ADAMTS17: variants seen among roughly 807,000 people sequenced by gnomAD.
ADAMTS17 encodes A disintegrin and metalloproteinase with thrombospondin motifs 17.
A neutral mutation model predicts 141.5 loss-of-function variants in ADAMTS17; 113 were observed. The ratio of observed to expected loss-of-function variants is 0.80; its 90% CI spans 0.69 to 0.93. The LOEUF (loss-of-function observed/expected upper bound fraction) is 0.93. ADAMTS17 is among the 40% of genes least tolerant of loss of function. The pLI is 0.00. For missense variants in ADAMTS17, 1,659 were observed against 1,517.9 expected, an observed-to-expected ratio of 1.09 and a Z score of -1.54; for synonymous variants, 768 against 630.6, an observed-to-expected ratio of 1.22 and a Z score of -3.27.
chr15:100,070,212 C>T (rs1263237050), intron 15 of ADAMTS17, among the ~76,000 whole-genome samples: 2 of 149,472 alleles, frequency 1.3e-5, no homozygotes, highest in African/African-American at 2.5e-5. Context: ...TATATATGCA[C>T]CCAATACAGG....
At chr15:100,218,452 A>G (rs1004160363) in intron 7 of ADAMTS17, among the ~76,000 whole-genome samples, 28 of 152,356 alleles carry the variant, frequency 1.8e-4, no homozygotes, top group Admixed American at 5.2e-4. Flanking sequence ...CAAAGCAGAA[A>G]TATGTGTGGT....
chr15:100,200,666 G>A (rs1026847709), intron 7 of ADAMTS17, among the ~76,000 whole-genome samples: 2 of 152,202 alleles, frequency 1.3e-5, no homozygotes, highest in African/African-American at 2.4e-5. Flanking sequence ...GTCACATTGG[G>A]GGTTGGTGGG....
intron 3 of ADAMTS17, among the ~76,000 whole-genome samples, chr15:100,290,181 T>C (rs2044582248): frequency 6.6e-6 from 1 of 152,136 alleles, no homozygotes; most frequent in African/African-American, 2.4e-5. Context: ...ATATAATCAA[T>C]GCACAAAAAT....
At chr15:100,243,879 C>T (rs147450891) in intron 7 of ADAMTS17, among the ~76,000 whole-genome samples, 24 of 151,762 alleles carry the variant, frequency 1.6e-4, no homozygotes, top group East Asian at 1.6e-3. Flanking sequence ...ATTAGTCATC[C>T]GCTTTAACCC....
chr15:100,218,195 TCAC>T (rs758042131), intron 7 of ADAMTS17, among the ~76,000 whole-genome samples: 13 of 152,222 alleles, frequency 8.5e-5, no homozygotes, highest in Non-Finnish European at 1.9e-4. Context: ...TTAAATTTTC[TCAC>T]CACAAGGAAA....
intron 7 of ADAMTS17, among the ~76,000 whole-genome samples, chr15:100,209,188 G>C (rs1026997719): frequency 6.6e-6 from 1 of 150,678 alleles, no homozygotes. Flanking sequence ...CTTGCTAAAT[G>C]CTTAGCCCAG....
chr15:100,160,055 GC>G (rs201630924), intron 8 of ADAMTS17, among the ~76,000 whole-genome samples: 1,351 of 89,024 alleles, frequency 0.015, 7 homozygotes, highest in Middle Eastern at 0.029. Context: ...TCCTGGAATG[GC>G]CCCCCAGTAA....
At chr15:100,324,378 T>C (rs2045834385) in intron 3 of ADAMTS17, among the ~76,000 whole-genome samples, 1 of 152,212 alleles carries the variant, frequency 6.6e-6, no homozygotes, top group South Asian at 2.1e-4. Context: ...TAGGTCTGAA[T>C]ACTGGATACG....
chr15:99,972,140 A>C lies in ADAMTS17; in HGVS notation c.*2262T>G, dbSNP rs2060222207. 1 of 152,376 alleles carries C rather than the reference A, an allele frequency of 6.6e-6. No homozygotes were observed. The highest frequency in any genetic ancestry group is 1.5e-5 in the Non-Finnish European group (1 of 68,218). 9.4% of individuals were successfully genotyped at this position (152,376 alleles called of 1,614,324 possible). ...GTGGTGGGCGCCTGTAGTCCCAGCT[A>C]CTGGGGAGGGTGAGGCAGAAGAATG... On this transcript the variant is annotated 3_prime_UTR_variant, in exon 22 of 22. Transcript: ENST00000268070.
In ADAMTS17 at chr15:100,331,017, A is replaced by G; in HGVS notation, c.488T>C (p.Ile163Thr). 1 of 1,614,114 alleles carries G rather than the reference A, an allele frequency of 6.2e-7. No individual in the cohort carries two copies. Among genetic ancestry groups the G allele is most frequent in the Non-Finnish European group, 8.5e-7 (1 of 1,180,028 alleles). The change falls in exon 3 of 22, where the codon ATC becomes ACC. Residue 163 changes from isoleucine to threonine, a missense_variant. Ile to Thr is a moderately conservative substitution (Grantham distance 89). Transcript: ENST00000268070. ...LIQLGQEQVL[I>T]QPLNNSQGPF... ...GCCCTGGGAGTTGTTGAGGGGCTGGATTAGCACCTGCTCCTGCCCAAGCTG... is the reference window on the plus strand; with the variant it reads ...GCCCTGGGAGTTGTTGAGGGGCTGGGTTAGCACCTGCTCCTGCCCAAGCTG...
intron 15 of ADAMTS17, among the ~76,000 whole-genome samples, chr15:100,070,706 C>T (rs1305352506): frequency 1.3e-5 from 2 of 149,660 alleles, no homozygotes; most frequent in Non-Finnish European, 3.0e-5. Context: ...AGAACAAAGA[C>T]ACAACATACC....
chr15:100,341,970 C>T lies in ADAMTS17; in HGVS notation c.-71G>A. The T allele has an allele frequency of 1.3e-6, 2 of 1,517,776 alleles. No homozygotes were observed. The highest frequency in any genetic ancestry group is 1.8e-6 in the Non-Finnish European group (2 of 1,121,348). 94.0% of individuals were successfully genotyped at this position (1,517,776 alleles called of 1,614,324 possible). ...GAGCGCGCTAGGCGGCGGCGCCAGCCGGAGTGAAGCCCTCCAGCCTTTGGA... is the reference window on the plus strand; with the variant it reads ...GAGCGCGCTAGGCGGCGGCGCCAGCTGGAGTGAAGCCCTCCAGCCTTTGGA... On this transcript the variant is annotated 5_prime_UTR_variant, in exon 1 of 22. Transcript: ENST00000268070.
At chr15:100,008,424 G>A (rs1170353305) in intron 18 of ADAMTS17, among the ~76,000 whole-genome samples, 2 of 152,188 alleles carry the variant, frequency 1.3e-5, no homozygotes, top group East Asian at 1.9e-4. Context: ...GGTGCCTCAT[G>A]GAAGAGTCAT....
rs369504021 is a variant in ADAMTS17, at chr15:100,109,767, C to T, written c.1889-651G>A. On this transcript the variant is annotated intron_variant, in intron 13 of 21. Coordinates refer to ENST00000268070, the MANE Select transcript of ADAMTS17 (RefSeq NM_139057.4). ...CCTAAAAACACATGACCTCCCAGAA[C>T]GCGCCCAGCTCCCCAGCCTTTGCCC... Among the ~76,000 whole-genome samples, 96 of 152,238 alleles carry T rather than the reference C, an allele frequency of 6.3e-4. 4 individuals carry two copies. Among genetic ancestry groups the T allele is most frequent in the African/African-American group, 2.1e-3 (88 of 41,548 alleles).
intron 12 of ADAMTS17, among the ~76,000 whole-genome samples, chr15:100,117,360 G>GGT (rs748415288): frequency 7.9e-5 from 12 of 151,944 alleles, no homozygotes; most frequent in Non-Finnish European, 1.2e-4. Context: ...TTCTGGAGAG[G>GGT]GTGTGTGTGT....
At chr15:100,219,353 G>A (rs534288220) in intron 7 of ADAMTS17, among the ~76,000 whole-genome samples, 1 of 152,254 alleles carries the variant, frequency 6.6e-6, no homozygotes, top group East Asian at 1.9e-4. Flanking sequence ...TATGCAAATT[G>A]TACTTCAAAA....
At chr15:100,113,115 G>A (rs546342407) in intron 13 of ADAMTS17, among the ~76,000 whole-genome samples, 5 of 152,050 alleles carry the variant, frequency 3.3e-5, no homozygotes, top group East Asian at 1.9e-4. Flanking sequence ...ATCAGTCCCC[G>A]GCGGACAGGC....
rs1186502357 is a variant in ADAMTS17 at position 100,116,957 on chromosome 15, T to C, written c.1778A>G (p.Glu593Gly). 2 of 1,613,920 alleles carry C rather than the reference T, an allele frequency of 1.2e-6. No homozygotes were observed. Among genetic ancestry groups the C allele is most frequent in the Non-Finnish European group, 1.7e-6 (2 of 1,180,018 alleles). Residue 593 changes from glutamate (E) to glycine (G), a missense_variant, in exon 13 of 22, where the codon GAG becomes GGG. Glu to Gly is a moderately conservative substitution (Grantham distance 98). Coordinates refer to ENST00000268070, the MANE Select transcript of ADAMTS17 (RefSeq NM_139057.4). ...CAGACCCTTGGGGCAGGGCAGGTTC[T>C]CGCAGACCGCATGTTCTACACTGGC... ...PGASVEHAVCENLPCPKGLPS... is the reference protein window; with the variant it reads ...PGASVEHAVCGNLPCPKGLPS...
chr15:100,235,307 C>A (rs570952801), intron 7 of ADAMTS17, among the ~76,000 whole-genome samples: 1 of 152,170 alleles, frequency 6.6e-6, no homozygotes, highest in East Asian at 1.9e-4. Context: ...CAGTGCTGGC[C>A]CCCTGGTTAC....
Sources: gnomAD v4.1 joint callset for allele counts (sites outside exome capture counted in the v4.1 genomes callset) on GRCh38, gnomAD v4.1.1 for gene constraint, MANE v1.5 for transcripts, NCBI Gene and HGNC (gene_info 2026-07-23, HGNC 2026-07-21) for gene names.